The following RIMS1 variants were observed in gnomAD, a reference collection of about 807,000 sequenced individuals.
RIMS1 encodes regulating synaptic membrane exocytosis protein 1.
A neutral mutation model predicts 214.1 loss-of-function variants in RIMS1; 83 were observed. That is an observed-to-expected ratio of 0.39 (90% CI 0.32 to 0.47). The LOEUF is 0.47. Ranked by LOEUF, RIMS1 falls within the 20% of genes least tolerant of loss-of-function variation. The pLI is 0.99. For missense variants in RIMS1, 2,050 were observed against 2,161.8 expected, an observed-to-expected ratio of 0.95 and a Z score of 1.03; for synonymous variants, 793 against 786.8, an observed-to-expected ratio of 1.01 and a Z score of -0.13.
chr6:72,208,402 T>C (rs991673752), intron 6 of RIMS1, among the ~76,000 whole-genome samples: 2 of 152,218 alleles, frequency 1.3e-5, no homozygotes, highest in Non-Finnish European at 2.9e-5. Context: ...CTCAAAACTT[T>C]TTCCATTCCC....
chr6:72,129,924 A>G (rs2040183493), intron 4 of RIMS1, among the ~76,000 whole-genome samples: 1 of 152,114 alleles, frequency 6.6e-6, no homozygotes, highest in Non-Finnish European at 1.5e-5. Flanking sequence ...TTTCTGTTCA[A>G]TTATTGTGAT....
At chr6:72,394,090 G>A (rs538241003) in intron 31 of RIMS1, among the ~76,000 whole-genome samples, 1 of 151,684 alleles carries the variant, frequency 6.6e-6, no homozygotes, top group African/African-American at 2.4e-5. Flanking sequence ...ATATGATTGG[G>A]ATACCCAGGA....
chr6:71,888,886 C>G (rs1165415801), intron 1 of RIMS1, among the ~76,000 whole-genome samples: 2 of 152,200 alleles, frequency 1.3e-5, no homozygotes, highest in East Asian at 3.9e-4. Context: ...CTGCCTGTCC[C>G]TAGTGGAAGA....
At chr6:72,013,860 C>G (rs1206205965) in intron 2 of RIMS1, among the ~76,000 whole-genome samples, 1 of 152,090 alleles carries the variant, frequency 6.6e-6, no homozygotes, top group Non-Finnish European at 1.5e-5. Flanking sequence ...AAAAGAAAAC[C>G]CATACTTATT....
chr6:72,196,401 A>ATCTG (rs1287025021), intron 6 of RIMS1, among the ~76,000 whole-genome samples: 1 of 150,960 alleles, frequency 6.6e-6, no homozygotes, highest in African/African-American at 2.5e-5. Context: ...CTATCTATCT[A>ATCTG]TCTATCTATC....
At chr6:72,345,914 C>T (rs1329874412) in intron 29 of RIMS1, among the ~76,000 whole-genome samples, 3 of 151,570 alleles carry the variant, frequency 2.0e-5, no homozygotes, top group Admixed American at 6.6e-5. Context: ...GAGCTTGGGA[C>T]CATCATAGGA....
intron 1 of RIMS1, among the ~76,000 whole-genome samples, chr6:71,927,829 G>T (rs1047551893): frequency 2.0e-5 from 3 of 152,016 alleles, no homozygotes; most frequent in Non-Finnish European, 4.4e-5. Context: ...TTGAAAAATA[G>T]AATTCAATTG....
At chr6:71,985,670 T>C (rs1799731681) in intron 2 of RIMS1, among the ~76,000 whole-genome samples, 1 of 152,318 alleles carries the variant, frequency 6.6e-6, no homozygotes, top group East Asian at 1.9e-4. Flanking sequence ...ACTTTCTTTT[T>C]TCTTTTCTGT....
Position 72,086,730 on chromosome 6 carries a change from C to T in RIMS1, c.246-10219C>T, listed in dbSNP as rs143562522. 5.9e-5 allele frequency among the ~76,000 whole-genome samples: 9 copies of T among 152,176 alleles called. No homozygotes were observed. The South Asian group carries it at 1.7e-3, about 28-fold the overall frequency. On this transcript the variant is annotated intron_variant, in intron 2 of 33. Transcript: ENST00000521978. ...TTGTAGTGTAAGATGTATGAGAAAACGTATGTGAGAGATGCTAATAGATAA... is the reference window on the plus strand; with the variant it reads ...TTGTAGTGTAAGATGTATGAGAAAATGTATGTGAGAGATGCTAATAGATAA...
At chr6:71,986,752 T>G (rs141989382) in intron 2 of RIMS1, among the ~76,000 whole-genome samples, 3 of 152,232 alleles carry the variant, frequency 2.0e-5, no homozygotes, top group African/African-American at 7.2e-5. Context: ...TGAAAAATAT[T>G]TTTCCACCAG....
intron 29 of RIMS1, among the ~76,000 whole-genome samples, chr6:72,347,537 A>G (rs958438883): frequency 6.6e-6 from 1 of 151,782 alleles, no homozygotes; most frequent in Non-Finnish European, 1.5e-5. Context: ...TATTGTGCAC[A>G]TGTGAAACCA....
At chr6:71,889,172 G>A (rs1267946825) in intron 1 of RIMS1, among the ~76,000 whole-genome samples, 8 of 152,290 alleles carry the variant, frequency 5.3e-5, no homozygotes, top group Non-Finnish European at 1.2e-4. Flanking sequence ...ATAGGAAGGG[G>A]AAGGCACGGT....
intron 2 of RIMS1, among the ~76,000 whole-genome samples, chr6:71,983,763 G>A (rs1799119849): frequency 6.6e-6 from 1 of 152,082 alleles, no homozygotes; most frequent in Non-Finnish European, 1.5e-5. Context: ...CAAAACTTGG[G>A]GGAAATAAAT....
chr6:71,942,581 G>A (rs1351675928), intron 1 of RIMS1, among the ~76,000 whole-genome samples: 1 of 151,972 alleles, frequency 6.6e-6, no homozygotes, highest in Non-Finnish European at 1.5e-5. Context: ...TGTAACATTT[G>A]TTAAGCAACA....
chr6:72,159,501 T>C (rs1307630553), intron 4 of RIMS1, among the ~76,000 whole-genome samples: 1 of 141,050 alleles, frequency 7.1e-6, no homozygotes, highest in Non-Finnish European at 1.6e-5. Context: ...TACGTTTTCT[T>C]GTAGGGTTTT....
chr6:72,332,574 T>C (rs1029738818), intron 28 of RIMS1, among the ~76,000 whole-genome samples: 22 of 145,552 alleles, frequency 1.5e-4, no homozygotes, highest in Non-Finnish European at 3.3e-4. Flanking sequence ...TTAGGAGATA[T>C]ACCTAATGCT....
In RIMS1 at chr6:71,968,971, C is replaced by T. The variant is rs746178376; in HGVS notation, c.165-12C>T. ...ATTAATAGTGCGTTGTGCTGTCTAT[C>T]ATGCGCCCCAGGTGTGTTGTCAGGG... On this transcript the variant is annotated splice_polypyrimidine_tract_variant and intron_variant, in intron 1 of 33. Coordinates refer to ENST00000521978, the MANE Select transcript of RIMS1 (RefSeq NM_014989.7). 9 of 1,612,926 alleles carry T rather than the reference C, an allele frequency of 5.6e-6. No individual in the cohort carries two copies. In the South Asian group the frequency reaches 9.9e-5, roughly 18 times the overall value.
chr6:72,035,056 C>T (rs1314098525), intron 2 of RIMS1, among the ~76,000 whole-genome samples: 2 of 152,120 alleles, frequency 1.3e-5, no homozygotes, highest in Non-Finnish European at 2.9e-5. Flanking sequence ...TAAATCCTTG[C>T]TGCACCACCA....
At chr6:71,887,305 G>C (rs1303274564) in intron 1 of RIMS1, 118 bp downstream of exon 1, 3 of 1,337,792 alleles carry the variant, frequency 2.2e-6, no homozygotes, top group African/African-American at 2.9e-5. Flanking sequence ...TGCTGGGTGC[G>C]GACGGAGGCG....
Sources: gnomAD v4.1 joint callset for allele counts (sites outside exome capture counted in the v4.1 genomes callset) on GRCh38, gnomAD v4.1.1 for gene constraint, MANE v1.5 for transcripts, NCBI Gene and HGNC (gene_info 2026-07-23, HGNC 2026-07-21) for gene names.